The following OLA1 variants were observed in gnomAD, a reference collection of about 807,000 sequenced individuals.
The protein encoded by OLA1 is Obg like ATPase 1.
Under a neutral mutation model 48.4 loss-of-function variants are expected in OLA1, and 14 were observed. That is an observed-to-expected ratio of 0.29 (90% CI 0.19 to 0.45). The LOEUF is 0.45. Among genes scored for constraint, OLA1 ranks in the 20% least tolerant of loss-of-function variants. The probability of loss-of-function intolerance (pLI) is 1.00; values close to 1 mark genes in which losing one functional copy is unlikely to be tolerated. For synonymous variants in OLA1, 127 were observed against 150.4 expected, an observed-to-expected ratio of 0.84 and a Z score of 1.14; for missense variants, 325 against 467.1, an observed-to-expected ratio of 0.70 and a Z score of 2.80.
At chr2:174,161,681 T>TACAC (rs55713860) in intron 4 of OLA1, among the ~76,000 whole-genome samples, 84 of 141,166 alleles carry the variant, frequency 6.0e-4, no homozygotes, top group Middle Eastern at 3.6e-3. Context: ...AAAAAAAAAA[T>TACAC]ACACACACAC....
At chr2:174,123,086 A>T (rs2105367668) in intron 7 of OLA1, 94 bp downstream of exon 7, 1 of 623,388 alleles carries the variant, frequency 1.6e-6, no homozygotes, top group Non-Finnish European at 2.8e-6. Flanking sequence ...AAATATTAAA[A>T]TTAAACATTG....
chr2:174,207,054 G>A (rs1276222593), intron 4 of OLA1, among the ~76,000 whole-genome samples: 1 of 152,092 alleles, frequency 6.6e-6, no homozygotes, highest in East Asian at 1.9e-4. Context: ...GTGGGCTCTT[G>A]AAAACAGTAA....
intron 4 of OLA1, among the ~76,000 whole-genome samples, chr2:174,206,397 A>C (rs940266082): frequency 5.3e-5 from 8 of 152,042 alleles, no homozygotes; most frequent in South Asian, 2.1e-4. Context: ...ACAAAAAAAA[A>C]CTGATCATTA....
At chr2:174,088,918 C>T (rs549584726) in intron 7 of OLA1, among the ~76,000 whole-genome samples, 1 of 145,022 alleles carries the variant, frequency 6.9e-6, no homozygotes, top group East Asian at 2.3e-4. Flanking sequence ...ATAAATAAAG[C>T]TCCATCTTCC....
intron 3 of OLA1, among the ~76,000 whole-genome samples, chr2:174,224,409 G>A (rs560786288): frequency 8.4e-4 from 128 of 152,136 alleles, no homozygotes; most frequent in Non-Finnish European, 1.2e-3. Context: ...CCTTCACTAA[G>A]CAGTTTAATC....
At chr2:174,226,815 A>G (rs1197981965) in intron 3 of OLA1, among the ~76,000 whole-genome samples, 1 of 152,272 alleles carries the variant, frequency 6.6e-6, no homozygotes, top group South Asian at 2.1e-4. Context: ...ATGTTCTTCA[A>G]TAGAAACAGG....
chr2:174,245,225 T>G (rs2105469237), intron 2 of OLA1, among the ~76,000 whole-genome samples: 1 of 152,364 alleles, frequency 6.6e-6, no homozygotes, highest in East Asian at 1.9e-4. Context: ...TTATTTGTTT[T>G]GCTTACATTT....
intron 2 of OLA1, among the ~76,000 whole-genome samples, chr2:174,231,941 T>C (rs1448506876): frequency 6.6e-6 from 1 of 152,212 alleles, no homozygotes; most frequent in Admixed American, 6.5e-5. Flanking sequence ...GCCCATATGC[T>C]TTTTGTAAAA....
chr2:174,166,051 G>A (rs776708674), intron 4 of OLA1, among the ~76,000 whole-genome samples: 23 of 151,556 alleles, frequency 1.5e-4, no homozygotes, highest in East Asian at 2.0e-4. Context: ...GCTTGAACCC[G>A]GGAGGCAGAG....
Position 174,174,526 on chromosome 2 carries a change from C to T in OLA1, c.374-32526G>A, listed in dbSNP as rs749972369. Among the ~76,000 whole-genome samples the T allele has an allele frequency of 4.7e-4, 72 of 151,960 alleles. 2 individuals carry two copies. Among genetic ancestry groups the T allele is most frequent in the Admixed American group, 7.2e-4 (11 of 15,274 alleles). The stretch of plus-strand genomic sequence containing the variant: ...TAGGAATAACGAGTAACTACTTCAA[C>T]CTGATTAAGGGCTTCTAAAAATAAC... On this transcript the variant is annotated intron_variant, in intron 4 of 10. Transcript: ENST00000284719.
intron 4 of OLA1, among the ~76,000 whole-genome samples, chr2:174,212,557 T>C (rs1688267074): frequency 6.6e-6 from 1 of 152,218 alleles, no homozygotes; most frequent in African/African-American, 2.4e-5. Context: ...CATAACTTTT[T>C]ACTTTATAAA....
At chr2:174,226,582 C>T (rs572496988) in intron 3 of OLA1, among the ~76,000 whole-genome samples, 1 of 152,174 alleles carries the variant, frequency 6.6e-6, no homozygotes, top group Admixed American at 6.5e-5. Context: ...TCACTGCAAC[C>T]TCTGCCTGCC....
At chr2:174,088,488 T>G (rs1188210489) in intron 7 of OLA1, among the ~76,000 whole-genome samples, 1 of 152,212 alleles carries the variant, frequency 6.6e-6, no homozygotes, top group Non-Finnish European at 1.5e-5. Context: ...AAATATGTCA[T>G]AAATAATATT....
chr2:174,096,295 T>C (rs1021125351), intron 7 of OLA1, among the ~76,000 whole-genome samples: 7 of 152,168 alleles, frequency 4.6e-5, no homozygotes, highest in African/African-American at 9.7e-5. Flanking sequence ...GAAATGCTTG[T>C]TAATAGGCAT....
intron 2 of OLA1, among the ~76,000 whole-genome samples, chr2:174,237,481 G>A (rs1024937771): frequency 6.6e-6 from 1 of 152,130 alleles, no homozygotes; most frequent in Non-Finnish European, 1.5e-5. Context: ...TGGGCATGGA[G>A]GCTAATGCCT....
chr2:174,141,104 G>C (rs971847885), intron 5 of OLA1, among the ~76,000 whole-genome samples: 6 of 152,042 alleles, frequency 3.9e-5, no homozygotes, highest in African/African-American at 1.2e-4. Context: ...GCTAATTTTT[G>C]TATTTTTAGT....
Position 174,142,047 on chromosome 2 carries a change from G to A in OLA1, c.374-47C>T, listed in dbSNP as rs376434016. 53 of 1,491,516 alleles carry A rather than the reference G, an allele frequency of 3.6e-5. 1 individual carries two copies. The African/African-American group carries it at 5.3e-4, about 15-fold the overall frequency. 92.4% of individuals were successfully genotyped at this position (1,491,516 alleles called of 1,614,324 possible). A position where few individuals can be genotyped will look rare whatever the true frequency, so the allele number is the denominator to read the frequency against. On this transcript the variant is annotated intron_variant, in intron 4 of 10. Transcript: ENST00000284719. ...CAATTCAATAAACAAATAATACAGC[G>A]TGTTCATTATGATAGAGTGAAAGAT...
intron 4 of OLA1, among the ~76,000 whole-genome samples, chr2:174,186,530 C>T (rs866150693): frequency 2.0e-5 from 3 of 152,204 alleles, no homozygotes; most frequent in Non-Finnish European, 4.4e-5. Context: ...GCTGGCATAT[C>T]TTTTCCGATC....
chr2:174,103,046 CTGT>C (rs1685432418), intron 7 of OLA1, among the ~76,000 whole-genome samples: 1 of 152,092 alleles, frequency 6.6e-6, no homozygotes, highest in Non-Finnish European at 1.5e-5. Flanking sequence ...TCAAAATATG[CTGT>C]TGTTCTAAGA....
Sources: gnomAD v4.1 joint callset for allele counts (sites outside exome capture counted in the v4.1 genomes callset) on GRCh38, gnomAD v4.1.1 for gene constraint, MANE v1.5 for transcripts, NCBI Gene and HGNC (gene_info 2026-07-23, HGNC 2026-07-21) for gene names.